Variants in KCNQ4 observed in about 807,000 individuals in gnomAD.
The protein encoded by KCNQ4 is potassium voltage-gated channel subfamily KQT member 4.
A neutral mutation model predicts 72.6 loss-of-function variants in KCNQ4; 31 were observed. That is an observed-to-expected ratio of 0.43 (90% confidence interval 0.32 to 0.58). The LOEUF is 0.58. Among genes scored for constraint, KCNQ4 ranks in the 20% least tolerant of loss-of-function variants. The pLI, the probability that KCNQ4 is intolerant of heterozygous loss-of-function variation, is 0.08. For missense variants in KCNQ4, 869 were observed against 962.6 expected, an observed-to-expected ratio of 0.90 and a Z score of 1.29; for synonymous variants, 405 against 403.7, an observed-to-expected ratio of 1.00 and a Z score of -0.04.
rs557161892 is a variant in KCNQ4 at position 40,824,134 on chromosome 1, C to T, written c.1168C>T (p.Arg390Cys). The T allele has an allele frequency of 5.1e-6, 8 of 1,562,510 alleles. 1 individual carries two copies. Among genetic ancestry groups the T allele is most frequent in the East Asian group, 2.4e-5 (1 of 41,724 alleles). ...ALLFEHVQRA[R>C]NGGLRPLEVR... The stretch of plus-strand genomic sequence containing the variant: ...CTTGTTTGAGCACGTGCAACGGGCC[C>T]GCAATGGGGGCCTACGGCCCCTGGA... Residue 390 changes from arginine (R) to cysteine (C), a missense_variant, in exon 9 of 14, where the codon CGC becomes TGC. Arg to Cys is a radical substitution (Grantham distance 180). Coordinates refer to ENST00000347132, the MANE Select transcript of KCNQ4 (RefSeq NM_004700.4).
chr1:40,818,067 G>GT, intron 2 of KCNQ4, 97 bp from the exon 3 acceptor site: 3 of 1,546,142 alleles, frequency 1.9e-6, no homozygotes, highest in Non-Finnish European at 2.7e-6. Context: ...GGAGGCCCTG[G>GT]TCCCCCTAAC....
At chr1:40,813,733 C>G (rs1647996814) in intron 1 of KCNQ4, among the ~76,000 whole-genome samples, 1 of 151,698 alleles carries the variant, frequency 6.6e-6, no homozygotes, top group East Asian at 1.9e-4. Context: ...GTGGGCTTTT[C>G]TTGTTTTTGT....
At chr1:40,818,095 G>T in intron 2 of KCNQ4, 69 bp from the exon 3 acceptor site, 4 of 1,608,748 alleles carry the variant, frequency 2.5e-6, no homozygotes, top group Non-Finnish European at 3.4e-6. Flanking sequence ...CTCTTGGCTG[G>T]GTCCGCGCTG....
intron 8 of KCNQ4, among the ~76,000 whole-genome samples, 164 bp from the exon 9 acceptor site, chr1:40,823,933 G>A (rs1013202728): frequency 1.3e-5 from 2 of 152,224 alleles, no homozygotes; most frequent in African/African-American, 4.8e-5. Flanking sequence ...AGTGGGGAAG[G>A]CCAGTCTCCC....
In KCNQ4 at chr1:40,817,204, G is replaced by A; in HGVS notation, c.315-61G>A. Reference sequence around the variant, plus strand: ...CTTGGCTCTGTAACCCCCTGCCAGGGGCACCTTGGCTGTCCTGTCCCTCCA... The same window carrying A: ...CTTGGCTCTGTAACCCCCTGCCAGGAGCACCTTGGCTGTCCTGTCCCTCCA... On this transcript the variant is annotated intron_variant, in intron 1 of 13. Transcript: ENST00000347132. This position sits in a 1 kb window ranked among gnomAD's most constrained non-coding sequence, Gnocchi z 5.5. The A allele has an allele frequency of 7.3e-7, 1 of 1,373,760 alleles. No homozygotes were observed. Among genetic ancestry groups the A allele is most frequent in the Non-Finnish European group, 1.0e-6 (1 of 967,224 alleles). The allele number at this position is 1,373,760 out of a possible 1,614,324, so 85.1% of individuals were successfully genotyped here.
chr1:40,820,298 C>T (rs946928675), intron 7 of KCNQ4, 38 bp downstream of exon 7: 77 of 1,500,374 alleles, frequency 5.1e-5, no homozygotes, highest in Admixed American at 1.1e-4. Context: ...GGAGCAGGGC[C>T]GTGTGACTGC....
At position 40,806,517 on chromosome 1, in the gene KCNQ4, G is replaced by A. The variant is rs1016928030; in HGVS notation, c.315-10748G>A. The stretch of plus-strand genomic sequence containing the variant: ...GTCGGAAGGTTTGGGGCTGGTGCAG[G>A]TGGGAGAGGAGGAAGCTATTCCTCA... On this transcript the variant is annotated intron_variant, in intron 1 of 13. Coordinates refer to ENST00000347132, the MANE Select transcript of KCNQ4 (RefSeq NM_004700.4). Among the ~76,000 whole-genome samples the A allele has an allele frequency of 3.3e-5, 5 of 152,244 alleles. No individual in the cohort carries two copies. In the East Asian group the frequency reaches 5.8e-4, roughly 18 times the overall value.
In KCNQ4 at chr1:40,830,651, C is replaced by T. The variant is rs118109781; in HGVS notation, c.1293-433C>T. Among the ~76,000 whole-genome samples the T allele has an allele frequency of 4.8e-4, 73 of 152,228 alleles. 1 individual carries two copies. The East Asian group carries it at 0.013, about 26-fold the overall frequency. The stretch of plus-strand genomic sequence containing the variant: ...ACAGTGAGGACTGGAGGCCTACCTC[C>T]GTGTGCATGGCCAGGTGAGCTTCCG... On this transcript the variant is annotated intron_variant, in intron 9 of 13. Transcript: ENST00000347132.
chr1:40,802,743 C>T (rs1369274951), intron 1 of KCNQ4, among the ~76,000 whole-genome samples: 1 of 152,194 alleles, frequency 6.6e-6, no homozygotes, highest in African/African-American at 2.4e-5. Flanking sequence ...GTCTGCTTCC[C>T]TTGTCCCTAC....
intron 1 of KCNQ4, among the ~76,000 whole-genome samples, chr1:40,796,069 T>C (rs1414685807): frequency 6.6e-6 from 1 of 152,142 alleles, no homozygotes; most frequent in African/African-American, 2.4e-5. Flanking sequence ...ACGGGAGTTT[T>C]CTGGGCTCAG....
intron 1 of KCNQ4, among the ~76,000 whole-genome samples, chr1:40,815,052 C>A (rs748957701): frequency 6.6e-6 from 1 of 151,852 alleles, no homozygotes; most frequent in African/African-American, 2.4e-5. Context: ...CCATCCTGGC[C>A]AACATGGTGC....
intron 8 of KCNQ4, 145 bp from the exon 9 acceptor site, chr1:40,823,952 C>T (rs1648392462): frequency 1.1e-6 from 1 of 894,708 alleles, no homozygotes; most frequent in East Asian, 2.7e-5. Flanking sequence ...CCACTGTCCA[C>T]CCTGTCCTAT....
chr1:40,828,279 T>C (rs1648542554), intron 9 of KCNQ4, among the ~76,000 whole-genome samples: 1 of 152,132 alleles, frequency 6.6e-6, no homozygotes, highest in Admixed American at 6.5e-5. Context: ...GCCCACCCCA[T>C]CTTTCTCCCA....
chr1:40,829,808 T>C (rs1448978033), intron 9 of KCNQ4, among the ~76,000 whole-genome samples: 1 of 152,144 alleles, frequency 6.6e-6, no homozygotes, highest in African/African-American at 2.4e-5. Context: ...GAATCTCTAG[T>C]GGCAAACCAC....
rs566290354 is a variant in KCNQ4 at position 40,837,863 on chromosome 1, G to A, written c.1875+69G>A. 11 of 1,553,396 alleles carry A rather than the reference G, an allele frequency of 7.1e-6. No individual in the cohort carries two copies. In the African/African-American group the frequency reaches 1.1e-4, roughly 15 times the overall value. On this transcript the variant is annotated intron_variant, in intron 13 of 13. Transcript: ENST00000347132. ...TCTGGGGGCCGCGGTGACATGGGGA[G>A]GATGCGTTTCCCACAGCCACAGCCC...
chr1:40,823,954 C>T, intron 8 of KCNQ4, 143 bp from the exon 9 acceptor site: 1 of 902,294 alleles, frequency 1.1e-6, no homozygotes, highest in South Asian at 1.5e-5. Flanking sequence ...ACTGTCCACC[C>T]TGTCCTATTC....
chr1:40,817,091 C>T lies in KCNQ4; in HGVS notation c.315-174C>T, dbSNP rs1040624902. Reference sequence around the variant, plus strand: ...CCAGTAGCTTGGGGCTTGAGGGCTGCTGCCTTTGGTGCCCAGCACAGAGCT... The same window carrying T: ...CCAGTAGCTTGGGGCTTGAGGGCTGTTGCCTTTGGTGCCCAGCACAGAGCT... On this transcript the variant is annotated intron_variant, in intron 1 of 13. Transcript: ENST00000347132. This position sits in a 1 kb window ranked among gnomAD's most constrained non-coding sequence, Gnocchi z 5.5. 6.6e-6 allele frequency among the ~76,000 whole-genome samples: 1 copy of T among 152,262 alleles called. No homozygotes were observed. The highest frequency in any genetic ancestry group is 1.5e-5 in the Non-Finnish European group (1 of 68,048).
In KCNQ4 at chr1:40,838,475, C is replaced by T. The variant is rs367871533; in HGVS notation, c.2040C>T (p.Ser680=). 2 of 1,614,150 alleles carry T rather than the reference C, an allele frequency of 1.2e-6. No homozygotes were observed. The highest frequency in any genetic ancestry group is 2.7e-5 in the African/African-American group (2 of 75,060). Residue 680 remains serine, a synonymous_variant, in exon 14 of 14, where the codon TCC becomes TCT. Transcript: ENST00000347132. ...SPVDHEDISV[S]AQTLSISRSV... is the part of the protein sequence containing the mutation. ...TGGACCACGAGGACATCTCCGTCTC[C>T]GCACAGACGCTCAGCATCTCCCGCT...
intron 1 of KCNQ4, among the ~76,000 whole-genome samples, chr1:40,789,211 G>A (rs140312257): frequency 1.1e-4 from 16 of 152,144 alleles, no homozygotes; most frequent in Non-Finnish European, 2.2e-4. Context: ...GGGGGTCCTC[G>A]GGGGTCCTTT....
Sources: allele counts gnomAD v4.1 joint callset (sites outside exome capture counted in the v4.1 genomes callset), GRCh38; gene constraint gnomAD v4.1.1; non-coding constraint Gnocchi (gnomAD v3.1); transcripts MANE v1.5; gene names NCBI Gene and HGNC (gene_info 2026-07-23, HGNC 2026-07-21).